STXBP5L: variants seen among roughly 807,000 people sequenced by gnomAD.
STXBP5L encodes the protein syntaxin-binding protein 5-like.
A neutral mutation model predicts 144.5 loss-of-function variants in STXBP5L; 65 were observed. That is an observed-to-expected ratio of 0.45 (90% CI 0.37 to 0.55). STXBP5L has a LOEUF of 0.55. Ranked by LOEUF, STXBP5L falls within the 20% of genes least tolerant of loss-of-function variation. The pLI is 0.00. For synonymous variants in STXBP5L, 505 were observed against 469.6 expected (o/e 1.08, Z -0.97); for missense variants, 1,298 against 1,405.5 (o/e 0.92, Z 1.22).
At position 121,040,899 on chromosome 3, in the gene STXBP5L, G is replaced by C. The variant is rs148349419; in HGVS notation, c.288-801G>C. 1.6e-3 allele frequency among the ~76,000 whole-genome samples: 246 copies of C among 152,182 alleles called. 1 individual carries two copies. The highest frequency in any genetic ancestry group is 5.7e-3 in the African/African-American group (238 of 41,548). On this transcript the variant is annotated intron_variant, in intron 3 of 26. Coordinates refer to ENST00000471454, the MANE Select transcript of STXBP5L (RefSeq NM_001308330.2). ...CAGATTTTTAATTGTTTTATGTGGT[G>C]AATAAATCTGGCCCACATTCCTCAT...
intron 22 of STXBP5L, among the ~76,000 whole-genome samples, chr3:121,404,137 TG>T (rs988773545): frequency 1.3e-5 from 2 of 152,140 alleles, no homozygotes; most frequent in Non-Finnish European, 2.9e-5. Flanking sequence ...CCTGAGCTCC[TG>T]GTATTCCTCT....
At chr3:121,123,484 A>C (rs1265974391) in intron 7 of STXBP5L, among the ~76,000 whole-genome samples, 1 of 151,602 alleles carries the variant, frequency 6.6e-6, no homozygotes, top group East Asian at 1.9e-4. Flanking sequence ...CGCATTTTTT[A>C]AAAGAAAAGT....
intron 3 of STXBP5L, among the ~76,000 whole-genome samples, chr3:121,030,515 A>G (rs1946289304): frequency 6.6e-6 from 1 of 152,054 alleles, no homozygotes; most frequent in Admixed American, 6.6e-5. Flanking sequence ...AACATCACAC[A>G]CCGGGGCATG....
At chr3:120,934,789 C>T (rs1315034616) in intron 2 of STXBP5L, among the ~76,000 whole-genome samples, 1 of 151,932 alleles carries the variant, frequency 6.6e-6, no homozygotes, top group Admixed American at 6.6e-5. Flanking sequence ...CTGAATTTGG[C>T]ATTATCTGAA....
chr3:121,134,067 ATACTTAAAACTG>A (rs1199130073), intron 7 of STXBP5L, among the ~76,000 whole-genome samples: 1 of 152,156 alleles, frequency 6.6e-6, no homozygotes, highest in African/African-American at 2.4e-5. Context: ...TTGTAATAGA[ATACTTAAAACTG>A]AGAAATTCAT....
At chr3:121,141,510 A>G (rs1489214723) in intron 7 of STXBP5L, among the ~76,000 whole-genome samples, 2 of 152,198 alleles carry the variant, frequency 1.3e-5, no homozygotes, top group South Asian at 4.1e-4. Flanking sequence ...CTATTAGGAC[A>G]GTGCAAAAGT....
At chr3:121,049,481 C>T (rs1271360019) in intron 5 of STXBP5L, among the ~76,000 whole-genome samples, 2 of 152,082 alleles carry the variant, frequency 1.3e-5, no homozygotes, top group Non-Finnish European at 2.9e-5. Flanking sequence ...TCTACGATTG[C>T]CCCTAATCAC....
chr3:121,072,996 G>A (rs1470053759), intron 5 of STXBP5L, among the ~76,000 whole-genome samples: 3 of 152,164 alleles, frequency 2.0e-5, no homozygotes, highest in African/African-American at 7.2e-5. Context: ...CAGCTCTTTG[G>A]GCCAAAGTTC....
At chr3:121,351,807 A>T (rs892012108) in intron 20 of STXBP5L, among the ~76,000 whole-genome samples, 6 of 152,096 alleles carry the variant, frequency 3.9e-5, no homozygotes, top group Admixed American at 6.5e-5. Flanking sequence ...TAGGGCTTTT[A>T]TGGTTTTAGG....
At chr3:121,369,227 T>G (rs1364434361) in intron 20 of STXBP5L, among the ~76,000 whole-genome samples, 2 of 152,194 alleles carry the variant, frequency 1.3e-5, no homozygotes, top group Non-Finnish European at 2.9e-5. Flanking sequence ...CTGAAAGTTG[T>G]ATGTCTTCAA....
chr3:121,348,825 G>A (rs1053029690), intron 20 of STXBP5L, among the ~76,000 whole-genome samples: 1 of 151,810 alleles, frequency 6.6e-6, no homozygotes, highest in Admixed American at 6.6e-5. Context: ...ATTATTTATT[G>A]CATCTATTTG....
intron 5 of STXBP5L, among the ~76,000 whole-genome samples, chr3:121,091,635 T>G (rs1307668231): frequency 1.3e-5 from 2 of 152,200 alleles, no homozygotes; most frequent in African/African-American, 2.4e-5. Context: ...TGTTTTTTTC[T>G]TGTAAATTTG....
At chr3:121,147,612 T>C (rs2045766121) in intron 7 of STXBP5L, among the ~76,000 whole-genome samples, 1 of 152,116 alleles carries the variant, frequency 6.6e-6, no homozygotes, top group Admixed American at 6.6e-5. Flanking sequence ...AATAAAGATA[T>C]AATGGTTAAT....
intron 2 of STXBP5L, among the ~76,000 whole-genome samples, chr3:120,915,939 G>T (rs1709078077): frequency 6.6e-6 from 1 of 152,154 alleles, no homozygotes; most frequent in Non-Finnish European, 1.5e-5. Flanking sequence ...AATGAATGCA[G>T]CAAGAAGGTA....
At chr3:121,084,982 T>C (rs1225880631) in intron 5 of STXBP5L, among the ~76,000 whole-genome samples, 2 of 151,798 alleles carry the variant, frequency 1.3e-5, no homozygotes, top group Non-Finnish European at 2.9e-5. Flanking sequence ...TGACTTTTTT[T>C]TTCATGTGTT....
chr3:121,005,345 G>T (rs1237808722), intron 3 of STXBP5L, among the ~76,000 whole-genome samples: 2 of 152,164 alleles, frequency 1.3e-5, no homozygotes, highest in South Asian at 2.1e-4. Flanking sequence ...GCATAGTGGT[G>T]TTTATAGTAT....
chr3:121,226,567 G>A (rs549325471), intron 11 of STXBP5L, among the ~76,000 whole-genome samples: 10 of 152,116 alleles, frequency 6.6e-5, no homozygotes, highest in Non-Finnish European at 1.2e-4. Context: ...TTTTAAAAGG[G>A]GAAATCCCCT....
intron 19 of STXBP5L, among the ~76,000 whole-genome samples, chr3:121,305,417 A>G (rs2043303935): frequency 6.6e-6 from 1 of 152,172 alleles, no homozygotes; most frequent in Non-Finnish European, 1.5e-5. Flanking sequence ...CAGATATAAA[A>G]TATTAGCAAA....
In STXBP5L at chr3:121,000,075, G is replaced by A. The variant is rs11926845; in HGVS notation, c.288-41625G>A. On this transcript the variant is annotated intron_variant, in intron 3 of 26. Transcript: ENST00000471454. ...TCACATTGAGCTTGGGGAATCTGAT[G>A]ACTGTGTGTTTTGGGGGTGGTCATC... is the stretch of plus-strand genomic sequence containing the variant. Among the ~76,000 whole-genome samples, 1,246 of 152,190 alleles carry A rather than the reference G, an allele frequency of 8.2e-3. 21 individuals are homozygous for A. The highest frequency in any genetic ancestry group is 0.028 in the African/African-American group (1,166 of 41,504).
Sources: gnomAD v4.1 joint callset for allele counts (sites outside exome capture counted in the v4.1 genomes callset) on GRCh38, gnomAD v4.1.1 for gene constraint, MANE v1.5 for transcripts, NCBI Gene and HGNC (gene_info 2026-07-23, HGNC 2026-07-21) for gene names.